UBE2N: variants seen among roughly 807,000 people sequenced by gnomAD.
UBE2N encodes the protein ubiquitin-conjugating enzyme E2 N.
For synonymous variants in UBE2N, 70 were observed against 69.2 expected (o/e 1.01, Z -0.06); for missense variants, 60 against 192.1 (o/e 0.31, Z 4.07).
At chr12:93,412,470 G>C (rs1324540803) in intron 1 of UBE2N, among the ~76,000 whole-genome samples, 1 of 152,200 alleles carries the variant, frequency 6.6e-6, no homozygotes, top group Non-Finnish European at 1.5e-5. Context: ...TGAAATGTTT[G>C]TTCTTCGGTA....
In UBE2N at chr12:93,441,851, T is replaced by G. The variant is rs2121108991; in HGVS notation, c.30+4A>C. ...AAGAGCTGGAGGCCGGCCTGGGCGGTTACCTTGATGATCCTGCGGGGCAGC... is the reference window on the plus strand; with the variant it reads ...AAGAGCTGGAGGCCGGCCTGGGCGGGTACCTTGATGATCCTGCGGGGCAGC... On this transcript the variant is annotated splice_donor_region_variant and intron_variant, in intron 1 of 3. Coordinates refer to ENST00000318066, the MANE Select transcript of UBE2N (RefSeq NM_003348.4). The G allele has an allele frequency of 3.8e-6, 6 of 1,578,454 alleles. No homozygotes were observed. The highest frequency in any genetic ancestry group is 5.2e-6 in the Non-Finnish European group (6 of 1,164,956).
In UBE2N at chr12:93,407,999, C is replaced by T. The variant is rs916193374; in HGVS notation, c.*2040G>A. 1 of 152,212 alleles carries T rather than the reference C, an allele frequency of 6.6e-6. No individual in the cohort carries two copies. The highest frequency in any genetic ancestry group is 1.5e-5 in the Non-Finnish European group (1 of 68,040). The allele number at this position is 152,212 out of a possible 1,614,324, so 9.4% of individuals were successfully genotyped here. A position where few individuals can be genotyped will look rare whatever the true frequency, so the allele number is the denominator to read the frequency against. On this transcript the variant is annotated 3_prime_UTR_variant, in exon 4 of 4. Transcript: ENST00000318066. ...CTTATTTCTGTACTTCTATAACTCA[C>T]AAATTTAGCAGACATCATTTAGACA...
At position 93,422,838 on chromosome 12, in the gene UBE2N, C is replaced by T. The variant is rs181597877; in HGVS notation, c.31-11539G>A. Among the ~76,000 whole-genome samples, 277 of 151,740 alleles carry T rather than the reference C, an allele frequency of 1.8e-3. 2 individuals carry two copies. The highest frequency in any genetic ancestry group is 6.5e-3 in the African/African-American group (269 of 41,312). Reference sequence around the variant, plus strand: ...AACTATTAAACAATGTTAAAAATTCCCCCACTCATTCATATGTTCCTTTAG... The same window carrying T: ...AACTATTAAACAATGTTAAAAATTCTCCCACTCATTCATATGTTCCTTTAG... On this transcript the variant is annotated intron_variant, in intron 1 of 3. Transcript: ENST00000318066.
chr12:93,410,444 G>C (rs1878000378), intron 3 of UBE2N: 1 of 524,164 alleles, frequency 1.9e-6, no homozygotes, highest in African/African-American at 1.9e-5. Context: ...AACAGTTCAA[G>C]TTTTCCAGTA....
At chr12:93,412,165 A>G (rs1878049990) in intron 1 of UBE2N, among the ~76,000 whole-genome samples, 1 of 152,138 alleles carries the variant, frequency 6.6e-6, no homozygotes, top group Non-Finnish European at 1.5e-5. Context: ...TACTCCCAAC[A>G]ATCATACCAT....
chr12:93,414,957 T>G (rs913287359), intron 1 of UBE2N, among the ~76,000 whole-genome samples: 3 of 152,202 alleles, frequency 2.0e-5, no homozygotes, highest in Non-Finnish European at 4.4e-5. Flanking sequence ...ATTTACTGAA[T>G]TCTGAATCTA....
chr12:93,441,874 A>T lies in UBE2N; in HGVS notation c.11T>A (p.Leu4Gln). The T allele has an allele frequency of 6.3e-7, 1 of 1,578,258 alleles. No individual in the cohort carries two copies. Among genetic ancestry groups the T allele is most frequent in the Non-Finnish European group, 8.6e-7 (1 of 1,164,860 alleles). The change falls in exon 1 of 4, where the codon CTG becomes CAG. Residue 4 changes from leucine (L) to glutamine (Q), a missense_variant. Transcript: ENST00000318066. MAG[L>Q]PRRIIKETQR... ...GGTTACCTTGATGATCCTGCGGGGC[A>T]GCCCGGCCATCTTGTCAGAACCCGA...
intron 1 of UBE2N, among the ~76,000 whole-genome samples, chr12:93,440,780 A>G (rs538720629): frequency 3.9e-5 from 6 of 152,362 alleles, no homozygotes. Context: ...GACAAGGAAT[A>G]TCTCACGTCT....
intron 1 of UBE2N, among the ~76,000 whole-genome samples, chr12:93,439,089 A>G (rs893682527): frequency 6.6e-5 from 10 of 152,270 alleles, no homozygotes; most frequent in African/African-American, 2.4e-4. Flanking sequence ...GTTAGAAAGC[A>G]TCATATTAAC....
chr12:93,410,613 G>A, intron 3 of UBE2N, 121 bp downstream of exon 3: 1 of 1,419,092 alleles, frequency 7.0e-7, no homozygotes, highest in Non-Finnish European at 9.6e-7. Flanking sequence ...ACTATAAGCA[G>A]GATCTCACTT....
intron 1 of UBE2N, among the ~76,000 whole-genome samples, chr12:93,437,627 T>C (rs1422628399): frequency 1.3e-5 from 2 of 152,096 alleles, no homozygotes; most frequent in African/African-American, 4.8e-5. Flanking sequence ...TGAAACCCCA[T>C]CTCTACTAAA....
intron 1 of UBE2N, among the ~76,000 whole-genome samples, chr12:93,432,550 T>C (rs1361410295): frequency 6.6e-6 from 1 of 152,050 alleles, no homozygotes; most frequent in African/African-American, 2.4e-5. Context: ...TTAAGAAAGT[T>C]ACAGAGCAAT....
chr12:93,417,066 C>A (rs1030398461), intron 1 of UBE2N, among the ~76,000 whole-genome samples: 1 of 152,022 alleles, frequency 6.6e-6, no homozygotes, highest in Non-Finnish European at 1.5e-5. Flanking sequence ...TTAATGTAGA[C>A]TATGTTCAGG....
rs1039183740 is a variant in UBE2N, at chr12:93,408,699, C to T, written c.*1340G>A. 1 of 152,138 alleles carries T rather than the reference C, an allele frequency of 6.6e-6. No individual in the cohort carries two copies. The highest frequency in any genetic ancestry group is 2.1e-4 in the South Asian group (1 of 4,832). The allele number at this position is 152,138 out of a possible 1,614,324, so 9.4% of individuals were successfully genotyped here. On this transcript the variant is annotated 3_prime_UTR_variant, in exon 4 of 4. Transcript: ENST00000318066. The stretch of plus-strand genomic sequence containing the variant: ...CTGAATTCCAAATTAAAGAATAAAA[C>T]GAGCTCCCACAGCAAATACTGGAGG...
At position 93,406,376 on chromosome 12, in the gene UBE2N, T is replaced by A. The variant is rs1470015839; in HGVS notation, c.*3663A>T. 6.6e-6 allele frequency: 1 copy of A among 151,152 alleles called. No homozygotes were observed. Among genetic ancestry groups the A allele is most frequent in the African/African-American group, 2.4e-5 (1 of 41,118 alleles). 9.4% of individuals were successfully genotyped at this position (151,152 alleles called of 1,614,324 possible). ...TTCCTCGATCCAATTTAGTTCCACTTAGGTCACTGTGTTTATAATGTCTTT... is the reference window on the plus strand; with the variant it reads ...TTCCTCGATCCAATTTAGTTCCACTAAGGTCACTGTGTTTATAATGTCTTT... On this transcript the variant is annotated 3_prime_UTR_variant, in exon 4 of 4. Transcript: ENST00000318066.
intron 1 of UBE2N, among the ~76,000 whole-genome samples, chr12:93,414,448 CA>C (rs398020640): frequency 0.15 from 11,015 of 73,954 alleles, 323 homozygotes; most frequent in East Asian, 0.26. Context: ...AGCTCCGTCT[CA>C]AAAAAAAAAA....
At chr12:93,419,436 C>T (rs1408178726) in intron 1 of UBE2N, among the ~76,000 whole-genome samples, 1 of 150,804 alleles carries the variant, frequency 6.6e-6, no homozygotes, top group Non-Finnish European at 1.5e-5. Context: ...TCACTAATAA[C>T]AGAAATGCAT....
Position 93,409,519 on chromosome 12 carries a change from C to T in UBE2N, c.*520G>A, listed in dbSNP as rs559254453. On this transcript the variant is annotated 3_prime_UTR_variant, in exon 4 of 4. Coordinates refer to ENST00000318066, the MANE Select transcript of UBE2N (RefSeq NM_003348.4). The stretch of plus-strand genomic sequence containing the variant: ...TTGTTTAATGTTCCCATTTTGGTTC[C>T]AACAATCAAGCTTGTCCATCTACAG... 3.2e-4 allele frequency: 54 copies of T among 167,038 alleles called. No individual in the cohort carries two copies. The highest frequency in any genetic ancestry group is 7.0e-4 in the Non-Finnish European group (48 of 68,158). The allele number at this position is 167,038 out of a possible 1,614,324, so 10.3% of individuals were successfully genotyped here.
At chr12:93,431,537 T>C (rs553278991) in intron 1 of UBE2N, among the ~76,000 whole-genome samples, 1 of 152,268 alleles carries the variant, frequency 6.6e-6, no homozygotes, top group South Asian at 2.1e-4. Flanking sequence ...TAGAATTAAG[T>C]AAATTAATGC....
Sources: gnomAD v4.1 joint callset for allele counts (sites outside exome capture counted in the v4.1 genomes callset) on GRCh38, gnomAD v4.1.1 for gene constraint, MANE v1.5 for transcripts, NCBI Gene and HGNC (gene_info 2026-07-23, HGNC 2026-07-21) for gene names.